Variants in KIF16B observed in about 807,000 individuals in gnomAD.
KIF16B encodes kinesin family member 16B.
In KIF16B, 98 loss-of-function variants were observed where a neutral mutation model predicts 156.3. That is an observed-to-expected ratio of 0.63 (90% confidence interval 0.53 to 0.74). The LOEUF (loss-of-function observed/expected upper bound fraction) is 0.74, where lower values mean the gene tolerates loss of function less well. KIF16B is among the 30% of genes least tolerant of loss of function. The probability of loss-of-function intolerance (pLI) is 0.00; values close to 1 mark genes in which losing one functional copy is unlikely to be tolerated. For missense variants in KIF16B, 1,421 were observed against 1,606.5 expected (o/e 0.88, Z 1.97); for synonymous variants, 564 against 583.7 (o/e 0.97, Z 0.49).
intron 23 of KIF16B, among the ~76,000 whole-genome samples, chr20:16,338,578 T>A (rs2064083209): frequency 6.6e-6 from 1 of 152,148 alleles, no homozygotes; most frequent in African/African-American, 2.4e-5. Flanking sequence ...TTGAAAACCA[T>A]GAGAAATCCT....
At chr20:16,407,591 G>A (rs928618454) in intron 15 of KIF16B, among the ~76,000 whole-genome samples, 1 of 152,118 alleles carries the variant, frequency 6.6e-6, no homozygotes, top group Non-Finnish European at 1.5e-5. Context: ...ATTGCAGAGA[G>A]AGTCTAAGCT....
In KIF16B at chr20:16,275,963, C is replaced by T. The variant is rs75720397; in HGVS notation, c.3796-2552G>A. 1.3e-3 allele frequency among the ~76,000 whole-genome samples: 201 copies of T among 152,338 alleles called. 2 individuals carry two copies. Among genetic ancestry groups the T allele is most frequent in the Non-Finnish European group, 2.4e-3 (165 of 68,028 alleles). On this transcript the variant is annotated intron_variant, in intron 25 of 25. Coordinates refer to ENST00000354981, the MANE Select transcript of KIF16B (RefSeq NM_024704.5). ...ATCAAGGGTGAGATGATTTGGAAAA[C>T]GGGAGATGCAGAGCTTGCTGACTTG...
intron 17 of KIF16B, among the ~76,000 whole-genome samples, chr20:16,394,836 G>A (rs1163852207): frequency 6.6e-6 from 1 of 152,108 alleles, no homozygotes; most frequent in Non-Finnish European, 1.5e-5. Context: ...CACGCAGTGG[G>A]GACCATGACC....
chr20:16,367,034 T>A (rs2064682488), intron 22 of KIF16B: 3 of 1,371,088 alleles, frequency 2.2e-6, no homozygotes, highest in Admixed American at 6.6e-5. Flanking sequence ...ATTTTTCCAG[T>A]TCCAATTCAA....
intron 24 of KIF16B, among the ~76,000 whole-genome samples, chr20:16,326,625 A>G (rs73597763): frequency 0.2 from 30,847 of 151,936 alleles, 3,287 homozygotes; most frequent in East Asian, 0.35. Flanking sequence ...ATGCGATACC[A>G]CCTTACTCCT....
intron 1 of KIF16B, among the ~76,000 whole-genome samples, chr20:16,554,477 G>A (rs760439874): frequency 5.9e-5 from 9 of 152,172 alleles, no homozygotes; most frequent in South Asian, 2.1e-4. Context: ...TACCCAGTGC[G>A]GGTCTCCTTT....
chr20:16,362,417 G>C (rs896983193), intron 22 of KIF16B, among the ~76,000 whole-genome samples: 1 of 152,184 alleles, frequency 6.6e-6, no homozygotes, highest in South Asian at 2.1e-4. Flanking sequence ...GAATTGAAAA[G>C]AAACTTGTAA....
intron 25 of KIF16B, among the ~76,000 whole-genome samples, chr20:16,287,822 T>C (rs960690815): frequency 1.3e-5 from 2 of 152,022 alleles, no homozygotes; most frequent in Non-Finnish European, 2.9e-5. Context: ...GTCAAAACCA[T>C]GGGGTGGAGG....
At chr20:16,487,540 C>T (rs549836180) in intron 12 of KIF16B, among the ~76,000 whole-genome samples, 1 of 152,090 alleles carries the variant, frequency 6.6e-6, no homozygotes, top group African/African-American at 2.4e-5. Flanking sequence ...TTATAGGTTG[C>T]CATAATGTTC....
chr20:16,301,198 A>G (rs918572811), intron 25 of KIF16B, among the ~76,000 whole-genome samples: 2 of 152,176 alleles, frequency 1.3e-5, no homozygotes, highest in Non-Finnish European at 2.9e-5. Flanking sequence ...ATAACATTCT[A>G]TTGTTTGGAT....
intron 23 of KIF16B, among the ~76,000 whole-genome samples, chr20:16,350,054 C>A (rs1189225139): frequency 6.6e-6 from 1 of 152,248 alleles, no homozygotes; most frequent in Non-Finnish European, 1.5e-5. Flanking sequence ...CTTCTCCCTC[C>A]TTCTCAGGCC....
intron 25 of KIF16B, among the ~76,000 whole-genome samples, chr20:16,287,300 T>G (rs1411937053): frequency 1.3e-5 from 2 of 152,250 alleles, no homozygotes; most frequent in Non-Finnish European, 2.9e-5. Flanking sequence ...ATATTTCTAA[T>G]GAATAATTCT....
intron 24 of KIF16B, among the ~76,000 whole-genome samples, chr20:16,335,122 C>A (rs560059893): frequency 6.6e-6 from 1 of 151,688 alleles, no homozygotes; most frequent in South Asian, 2.1e-4. Flanking sequence ...TCATAAAAAA[C>A]CATAAAAATA....
chr20:16,517,337 A>C (rs2069175585), intron 3 of KIF16B, among the ~76,000 whole-genome samples: 1 of 152,252 alleles, frequency 6.6e-6, no homozygotes, highest in South Asian at 2.1e-4. Flanking sequence ...AAGAGCTGAC[A>C]GTTTTCAATC....
At chr20:16,437,285 A>G (rs1247134943) in intron 12 of KIF16B, among the ~76,000 whole-genome samples, 2 of 152,246 alleles carry the variant, frequency 1.3e-5, no homozygotes, top group Non-Finnish European at 1.5e-5. Context: ...CAGAACCTGC[A>G]CATATGGAGG....
Position 16,297,295 on chromosome 20 carries a change from A to G in KIF16B, c.3795+15040T>C, listed in dbSNP as rs1271105480. Among the ~76,000 whole-genome samples the G allele has an allele frequency of 2.0e-5, 3 of 152,332 alleles. No individual in the cohort carries two copies. In the East Asian group the frequency reaches 5.8e-4, roughly 29 times the overall value. On this transcript the variant is annotated intron_variant, in intron 25 of 25. Transcript: ENST00000354981. Reference sequence around the variant, plus strand: ...ACTCTAACAGAGCTTCCAAACCACAATTTGTGAAGTGGTAAAAAAAGCACT... The same window carrying G: ...ACTCTAACAGAGCTTCCAAACCACAGTTTGTGAAGTGGTAAAAAAAGCACT...
intron 1 of KIF16B, among the ~76,000 whole-genome samples, chr20:16,561,075 A>G (rs1329700227): frequency 6.6e-6 from 1 of 152,068 alleles, no homozygotes; most frequent in Non-Finnish European, 1.5e-5. Context: ...GGGTCACCTG[A>G]GGTCAGGAGT....
chr20:16,559,564 T>C (rs941635307), intron 1 of KIF16B, among the ~76,000 whole-genome samples: 1 of 151,962 alleles, frequency 6.6e-6, no homozygotes, highest in Non-Finnish European at 1.5e-5. Flanking sequence ...AGCCCAAGGA[T>C]TCAAGACCAG....
intron 25 of KIF16B, among the ~76,000 whole-genome samples, chr20:16,308,820 C>T (rs1282065469): frequency 3.3e-5 from 5 of 152,248 alleles, no homozygotes; most frequent in Non-Finnish European, 7.3e-5. Context: ...TACGCTATCT[C>T]ACTGAAAATA....
Sources: gnomAD v4.1 joint callset for allele counts (sites outside exome capture counted in the v4.1 genomes callset) on GRCh38, gnomAD v4.1.1 for gene constraint, MANE v1.5 for transcripts, NCBI Gene and HGNC (gene_info 2026-07-23, HGNC 2026-07-21) for gene names.